CTNNA1: variants seen among roughly 807,000 people sequenced by gnomAD.
The protein encoded by CTNNA1 is catenin alpha 1.
In CTNNA1, 37 loss-of-function variants were observed where a neutral mutation model predicts 98.4. The ratio of observed to expected loss-of-function variants is 0.38; its 90% CI spans 0.29 to 0.49. The LOEUF is 0.49. Ranked by LOEUF, CTNNA1 falls within the 20% of genes least tolerant of loss-of-function variation. The pLI, the probability that CTNNA1 is intolerant of heterozygous loss-of-function variation, is 0.95. For synonymous variants in CTNNA1, 404 were observed against 413.2 expected, an observed-to-expected ratio of 0.98 and a Z score of 0.27; for missense variants, 761 against 1,147.2, an observed-to-expected ratio of 0.66 and a Z score of 4.86.
At chr5:138,796,501 G>T (rs1214548611) in intron 3 of CTNNA1, among the ~76,000 whole-genome samples, 1 of 150,824 alleles carries the variant, frequency 6.6e-6, no homozygotes, top group African/African-American at 2.4e-5. Flanking sequence ...CCTAGATCGC[G>T]CCACTGCACT....
chr5:138,926,504 C>T (rs1253526462), intron 13 of CTNNA1, among the ~76,000 whole-genome samples: 1 of 151,208 alleles, frequency 6.6e-6, no homozygotes, highest in Non-Finnish European at 1.5e-5. Context: ...TCCTGTTTGG[C>T]CCACTTGCCG....
At chr5:138,927,331 G>A (rs1278279244) in intron 13 of CTNNA1, among the ~76,000 whole-genome samples, 1 of 152,186 alleles carries the variant, frequency 6.6e-6, no homozygotes, top group Admixed American at 6.5e-5. Flanking sequence ...ATTTCCTGCT[G>A]ATCTCCTCTT....
intron 3 of CTNNA1, among the ~76,000 whole-genome samples, chr5:138,789,190 C>G (rs757664644): frequency 6.8e-5 from 1 of 14,806 alleles, no homozygotes; most frequent in Non-Finnish European, 1.3e-4. Flanking sequence ...CCTGTTTTTC[C>G]CCCCCCCCAG....
At chr5:138,807,237 A>G (rs1758182078) in intron 3 of CTNNA1, among the ~76,000 whole-genome samples, 1 of 151,762 alleles carries the variant, frequency 6.6e-6, no homozygotes, top group Admixed American at 6.6e-5. Flanking sequence ...TGAACTCCTG[A>G]CCTCAAGTGA....
rs77629298 is a variant in CTNNA1, at chr5:138,760,894, G to A, written c.-3+7384G>A. Among the ~76,000 whole-genome samples the A allele has an allele frequency of 8.3e-3, 1,261 of 152,244 alleles. 50 individuals are homozygous for A. The East Asian group carries it at 0.14, about 17-fold the overall frequency. On this transcript the variant is annotated intron_variant, in intron 1 of 17. Transcript: ENST00000302763. ...GCTGAAAGGGGGGTTTTAATAGCAG[G>A]TCACAAACTTGGATAGAAGAGGAGA...
intron 1 of CTNNA1, among the ~76,000 whole-genome samples, chr5:138,777,094 T>C: frequency 2.7e-5 from 4 of 148,942 alleles, no homozygotes. Context: ...GCTCCTCACT[T>C]CTCATATGGG....
intron 3 of CTNNA1, among the ~76,000 whole-genome samples, chr5:138,798,432 A>G (rs1342523781): frequency 6.6e-6 from 1 of 152,250 alleles, no homozygotes; most frequent in African/African-American, 2.4e-5. Context: ...ATTACTTCAT[A>G]GCATTCTTTG....
chr5:138,780,642 C>A (rs552875031), intron 1 of CTNNA1, among the ~76,000 whole-genome samples: 1 of 152,100 alleles, frequency 6.6e-6, no homozygotes, highest in African/African-American at 2.4e-5. Flanking sequence ...CTCAGCCTCC[C>A]GAGTAGCTGG....
chr5:138,828,905 C>T (rs1019018335), intron 7 of CTNNA1, among the ~76,000 whole-genome samples: 1 of 152,182 alleles, frequency 6.6e-6, no homozygotes, highest in Non-Finnish European at 1.5e-5. Flanking sequence ...GGGTGGATTG[C>T]GTGAGCCCAA....
chr5:138,906,015 A>G (rs1450629646), intron 10 of CTNNA1, among the ~76,000 whole-genome samples: 2 of 152,168 alleles, frequency 1.3e-5, no homozygotes, highest in Admixed American at 1.3e-4. Flanking sequence ...TGTGACTATT[A>G]TTTGGCTTTT....
At chr5:138,876,620 G>T (rs1176909955) in intron 7 of CTNNA1, among the ~76,000 whole-genome samples, 2 of 152,200 alleles carry the variant, frequency 1.3e-5, no homozygotes, top group Non-Finnish European at 2.9e-5. Context: ...TGTGGGTCTT[G>T]TCTCAGACCT....
At chr5:138,922,766 G>A (rs1329358604) in intron 11 of CTNNA1, among the ~76,000 whole-genome samples, 3 of 152,132 alleles carry the variant, frequency 2.0e-5, no homozygotes, top group Non-Finnish European at 4.4e-5. Context: ...TAGCCTCAGC[G>A]AGGCTGGGGC....
intron 7 of CTNNA1, among the ~76,000 whole-genome samples, chr5:138,854,813 C>T (rs1488546269): frequency 6.6e-6 from 1 of 152,172 alleles, no homozygotes; most frequent in Admixed American, 6.5e-5. Flanking sequence ...CCTGTGGATG[C>T]ACATCCAGTG....
At chr5:138,766,447 TTTTG>T (rs959981994) in intron 1 of CTNNA1, among the ~76,000 whole-genome samples, 3 of 87,736 alleles carry the variant, frequency 3.4e-5, no homozygotes, top group African/African-American at 1.1e-4. Context: ...CAATACCATG[TTTTG>T]TTTTTTTTTT....
rs11744283 is a variant in CTNNA1, at chr5:138,873,715, G to T, written c.1063-12497G>T. On this transcript the variant is annotated intron_variant, in intron 7 of 17. Coordinates refer to ENST00000302763, the MANE Select transcript of CTNNA1 (RefSeq NM_001903.5). This position sits in a 1 kb window ranked among gnomAD's most constrained non-coding sequence, Gnocchi z 6.1. ...TGTTTAACTTGTTGTTATCCATGAG[G>T]AGTATTTTAAGATTGGGCATCGTTT... 0.025 allele frequency: 40,470 copies of T among 1,613,986 alleles called. 613 individuals are homozygous for T. Among genetic ancestry groups the T allele is most frequent in the Non-Finnish European group, 0.029 (34,536 of 1,179,866 alleles).
In CTNNA1 at chr5:138,842,728, G is replaced by C. The variant is rs945867976; in HGVS notation, c.1062+15010G>C. On this transcript the variant is annotated intron_variant, in intron 7 of 17. Transcript: ENST00000302763. ...AGTAATGGAACACCAGGCCTAAATG[G>C]GTTAAGAAATTTGTTTGAGTTTTCT... 3.9e-5 allele frequency among the ~76,000 whole-genome samples: 6 copies of C among 152,070 alleles called. No homozygotes were observed. In the South Asian group the frequency reaches 1.2e-3, roughly 31 times the overall value.
chr5:138,816,919 G>A (rs992525232), intron 5 of CTNNA1, among the ~76,000 whole-genome samples: 6 of 152,066 alleles, frequency 3.9e-5, no homozygotes, highest in African/African-American at 1.2e-4. Context: ...GGCTGGTCTC[G>A]AACTCCTGGC....
At chr5:138,918,980 C>G (rs868356335) in intron 11 of CTNNA1, among the ~76,000 whole-genome samples, 130 of 152,300 alleles carry the variant, frequency 8.5e-4, no homozygotes, top group African/African-American at 3.1e-3. Context: ...GCCTCCCTGT[C>G]TTCACACTCT....
chr5:138,790,010 A>G (rs1756179580), intron 3 of CTNNA1, among the ~76,000 whole-genome samples: 1 of 152,216 alleles, frequency 6.6e-6, no homozygotes, highest in Non-Finnish European at 1.5e-5. Flanking sequence ...AATACAGAAT[A>G]TGAGGAAAAG....
Sources: allele counts gnomAD v4.1 joint callset (sites outside exome capture counted in the v4.1 genomes callset), GRCh38; gene constraint gnomAD v4.1.1; non-coding constraint Gnocchi (gnomAD v3.1); transcripts MANE v1.5; gene names NCBI Gene and HGNC (gene_info 2026-07-23, HGNC 2026-07-21).